The following RAB6A variants were observed in gnomAD, a reference collection of about 807,000 sequenced individuals.
RAB6A encodes the protein ras-related protein Rab-6A.
Under a neutral mutation model 32.3 loss-of-function variants are expected in RAB6A, and 8 were observed. That is an observed-to-expected ratio of 0.25 (90% CI 0.15 to 0.45). RAB6A has a LOEUF of 0.45. RAB6A is among the 20% of genes least tolerant of loss of function. The pLI, the probability that RAB6A is intolerant of heterozygous loss-of-function variation, is 1.00. For missense variants in RAB6A, 104 were observed against 249.4 expected (o/e 0.42, Z 3.93); for synonymous variants, 73 against 82.1 (o/e 0.89, Z 0.60).
chr11:73,753,397 A>G (rs923993341), intron 1 of RAB6A, among the ~76,000 whole-genome samples: 13 of 151,390 alleles, frequency 8.6e-5, no homozygotes, highest in African/African-American at 3.1e-4. Flanking sequence ...GGGTTTCACC[A>G]TGTTGGCCAG....
chr11:73,716,432 C>A, intron 4 of RAB6A, 70 bp from the exon 5 acceptor site: 1 of 1,143,618 alleles, frequency 8.7e-7, no homozygotes, highest in South Asian at 1.3e-5. Context: ...GGGCACCTCC[C>A]TCCAAAAAAG....
chr11:73,703,834 C>A (rs1171501594), intron 6 of RAB6A, among the ~76,000 whole-genome samples: 3 of 151,952 alleles, frequency 2.0e-5, no homozygotes, highest in Non-Finnish European at 2.9e-5. Context: ...CTTTGGGAGG[C>A]CGAGATGGAT....
chr11:73,745,956 C>T (rs1235565909), intron 1 of RAB6A, among the ~76,000 whole-genome samples: 2 of 151,636 alleles, frequency 1.3e-5, no homozygotes, highest in Non-Finnish European at 2.9e-5. Flanking sequence ...GCTGAGACTG[C>T]GCCACTGCAC....
rs1389986542 is a variant in RAB6A, at chr11:73,679,676, T to C, written c.540A>G (p.Thr180=). 3.1e-6 allele frequency: 5 copies of C among 1,614,006 alleles called. No individual in the cohort carries two copies. The highest frequency in any genetic ancestry group is 4.2e-6 in the Non-Finnish European group (5 of 1,179,976). The change falls in exon 7 of 8, where the codon ACA becomes ACG. Residue 180 remains threonine (T), a synonymous_variant. Transcript: ENST00000336083. ...VAAALPGMES[T]QDRSREDMID... is the part of the protein sequence containing the mutation. ...TACTATCTTCTCTGCTTCTGTCCTG[T>C]GTGCTTTCCATTCCCGGCAAAGCTG... is the stretch of plus-strand genomic sequence containing the variant.
At chr11:73,720,516 G>A (rs547745509) in intron 3 of RAB6A, among the ~76,000 whole-genome samples, 29 of 152,060 alleles carry the variant, frequency 1.9e-4, no homozygotes, top group South Asian at 2.1e-4. Context: ...ACTTTGATAC[G>A]CATCCTATCC....
intron 5 of RAB6A, among the ~76,000 whole-genome samples, chr11:73,710,345 T>TCAGA (rs60709024): frequency 0.91 from 138,920 of 151,884 alleles, 63,706 homozygotes; most frequent in East Asian, 1. Context: ...ATGCCAGTTC[T>TCAGA]CAATCATTAA....
intron 5 of RAB6A, among the ~76,000 whole-genome samples, chr11:73,711,434 T>C (rs1266431452): frequency 2.0e-5 from 3 of 152,254 alleles, no homozygotes; most frequent in African/African-American, 7.2e-5. Context: ...AATATATACA[T>C]TCTTCATTCC....
intron 6 of RAB6A, among the ~76,000 whole-genome samples, chr11:73,701,797 G>T (rs1945749928): frequency 6.6e-6 from 1 of 151,910 alleles, no homozygotes. Flanking sequence ...GGACTACCAC[G>T]CTGGGTTAAT....
At chr11:73,757,624 C>CA (rs894559061) in intron 1 of RAB6A, among the ~76,000 whole-genome samples, 1 of 151,670 alleles carries the variant, frequency 6.6e-6, no homozygotes, top group Non-Finnish European at 1.5e-5. Flanking sequence ...TTGCTCAACT[C>CA]AAAAAAAAGT....
chr11:73,746,675 C>T (rs927434084), intron 1 of RAB6A, among the ~76,000 whole-genome samples: 2 of 151,840 alleles, frequency 1.3e-5, no homozygotes, highest in Non-Finnish European at 2.9e-5. Flanking sequence ...AGAGGATTGC[C>T]TAAGCCCAGG....
chr11:73,682,882 T>C (rs942202330), intron 6 of RAB6A, among the ~76,000 whole-genome samples: 1 of 152,174 alleles, frequency 6.6e-6, no homozygotes, highest in Non-Finnish European at 1.5e-5. Context: ...GCAATCCTGA[T>C]CTTTTTTATG....
intron 1 of RAB6A, chr11:73,759,924 C>CGTA: frequency 2.5e-6 from 2 of 816,288 alleles, no homozygotes; most frequent in Non-Finnish European, 3.4e-6. Context: ...CCGACGCTAC[C>CGTA]CCTTTCACCC....
intron 6 of RAB6A, among the ~76,000 whole-genome samples, chr11:73,707,212 CAGT>C (rs1456721263): frequency 1.3e-5 from 2 of 151,774 alleles, no homozygotes; most frequent in Non-Finnish European, 2.9e-5. Flanking sequence ...TACCACTTTG[CAGT>C]AGTTCTATCC....
intron 1 of RAB6A, among the ~76,000 whole-genome samples, chr11:73,732,015 A>T (rs1946323697): frequency 6.6e-6 from 1 of 151,452 alleles, no homozygotes; most frequent in Non-Finnish European, 1.5e-5. Flanking sequence ...CTGAGATTAT[A>T]GGCGTGCACC....
intron 2 of RAB6A, among the ~76,000 whole-genome samples, chr11:73,727,921 TAAC>T (rs1430290376): frequency 6.6e-6 from 1 of 152,202 alleles, no homozygotes; most frequent in African/African-American, 2.4e-5. Context: ...GTTTTTATGC[TAAC>T]TACAATACAT....
intron 2 of RAB6A, among the ~76,000 whole-genome samples, chr11:73,721,977 G>A (rs576329990): frequency 3.7e-4 from 56 of 152,040 alleles, no homozygotes; most frequent in African/African-American, 1.3e-3. Flanking sequence ...TTTATAAAAG[G>A]ATTTCCCCTC....
intron 1 of RAB6A, among the ~76,000 whole-genome samples, chr11:73,749,100 C>T (rs137879812): frequency 2.0e-5 from 3 of 151,602 alleles, no homozygotes; most frequent in African/African-American, 2.4e-5. Context: ...ACTCCAGCCT[C>T]GACAACAGAC....
intron 6 of RAB6A, among the ~76,000 whole-genome samples, chr11:73,679,922 C>CT (rs953252031): frequency 3.9e-5 from 6 of 151,960 alleles, no homozygotes; most frequent in East Asian, 1.9e-4. Context: ...TGGTGAAACT[C>CT]TGTCTCTACA....
At chr11:73,754,189 G>A (rs1340540739) in intron 1 of RAB6A, among the ~76,000 whole-genome samples, 1 of 152,186 alleles carries the variant, frequency 6.6e-6, no homozygotes, top group Non-Finnish European at 1.5e-5. Flanking sequence ...CAGTCCTCTA[G>A]TGCTCTAAAT....
Sources: allele counts gnomAD v4.1 joint callset (sites outside exome capture counted in the v4.1 genomes callset), GRCh38; gene constraint gnomAD v4.1.1; transcripts MANE v1.5; gene names NCBI Gene and HGNC (gene_info 2026-07-23, HGNC 2026-07-21).